The following CRYBG3 variants were observed in gnomAD, a reference collection of about 807,000 sequenced individuals.
CRYBG3 encodes very large A-kinase anchor protein.
CRYBG3 carries 127 observed loss-of-function variants against 244.2 expected under a neutral mutation model. That is an observed-to-expected ratio of 0.52 (90% confidence interval 0.45 to 0.60). CRYBG3 has a LOEUF of 0.60. Ranked by LOEUF, CRYBG3 falls within the 20% of genes least tolerant of loss-of-function variation. CRYBG3 has a pLI of 0.00. For missense variants in CRYBG3, 3,325 were observed against 3,442.5 expected (o/e 0.97, Z 0.85); for synonymous variants, 1,132 against 1,195.8 (o/e 0.95, Z 1.10).
chr3:97,844,183 T>C (rs759384220), intron 2 of CRYBG3, among the ~76,000 whole-genome samples: 6 of 152,194 alleles, frequency 3.9e-5, no homozygotes, highest in African/African-American at 7.2e-5. Context: ...AAAATACTTA[T>C]TGAAAGGAAA....
chr3:97,835,227 T>A (rs78713595), intron 1 of CRYBG3, among the ~76,000 whole-genome samples: 1 of 152,244 alleles, frequency 6.6e-6, no homozygotes, highest in Non-Finnish European at 1.5e-5. Context: ...TGTCTCTACT[T>A]ACATAGGGTT....
chr3:97,872,141 C>T lies in CRYBG3; in HGVS notation c.947C>T (p.Ser316Phe). ...AAAACAAGTTTCAACAAGGAAAATTCTTTGACAAATAACCCAGAACTGCAG... is the reference window on the plus strand; with the variant it reads ...AAAACAAGTTTCAACAAGGAAAATTTTTTGACAAATAACCCAGAACTGCAG... The part of the protein sequence containing the change: ...CSKTSFNKEN[S>F]LTNNPELQNI... Residue 316 changes from serine (S) to phenylalanine (F), a missense_variant, in exon 4 of 22, where the codon TCT becomes TTT. Ser to Phe is a radical substitution (Grantham distance 155). Transcript: ENST00000389622. 1 of 1,535,996 alleles carries T rather than the reference C, an allele frequency of 6.5e-7. No individual in the cohort carries two copies. Among genetic ancestry groups the T allele is most frequent in the Non-Finnish European group, 8.7e-7 (1 of 1,146,794 alleles).
At chr3:97,836,797 G>A (rs1261635624) in intron 1 of CRYBG3, among the ~76,000 whole-genome samples, 1 of 151,964 alleles carries the variant, frequency 6.6e-6, no homozygotes, top group Admixed American at 6.6e-5. Flanking sequence ...AATAAGGGAC[G>A]GTAGACATTT....
intron 4 of CRYBG3, among the ~76,000 whole-genome samples, chr3:97,879,290 C>T (rs2039418556): frequency 6.6e-6 from 1 of 152,170 alleles, no homozygotes. Flanking sequence ...CACAACCTGC[C>T]ACATTTTCCA....
chr3:97,926,682 G>T (rs2040043702), intron 17 of CRYBG3, among the ~76,000 whole-genome samples: 1 of 152,022 alleles, frequency 6.6e-6, no homozygotes, highest in Non-Finnish European at 1.5e-5. Flanking sequence ...CATAGTCTCT[G>T]CCCAGAGGGT....
At chr3:97,847,442 T>C (rs897488195) in intron 2 of CRYBG3, among the ~76,000 whole-genome samples, 1 of 152,166 alleles carries the variant, frequency 6.6e-6, no homozygotes, top group African/African-American at 2.4e-5. Flanking sequence ...TTGACACAAC[T>C]CCCACTGATA....
chr3:97,873,030 A>G lies in CRYBG3; in HGVS notation c.1836A>G (p.Lys612=). 1 of 1,535,666 alleles carries G rather than the reference A, an allele frequency of 6.5e-7. No homozygotes were observed. Among genetic ancestry groups the G allele is most frequent in the Non-Finnish European group, 8.7e-7 (1 of 1,146,758 alleles). The change falls in exon 4 of 22, where the codon AAA becomes AAG. Residue 612 remains lysine (K), a synonymous_variant. Transcript: ENST00000389622. ...SLGNENAPEL[K]FELNRSHISE... is the part of the protein sequence containing the mutation. ...GAAATGAAAATGCACCTGAGTTGAAATTTGAACTTAATAGAAGTCACATTT... is the reference window on the plus strand; with the variant it reads ...GAAATGAAAATGCACCTGAGTTGAAGTTTGAACTTAATAGAAGTCACATTT...
chr3:97,906,730 C>T (rs1199168172), intron 15 of CRYBG3, among the ~76,000 whole-genome samples: 1 of 150,970 alleles, frequency 6.6e-6, no homozygotes, highest in South Asian at 2.1e-4. Flanking sequence ...AACTGAATAC[C>T]CTTTATTTCC....
chr3:97,854,279 G>T (rs556155257), intron 2 of CRYBG3, among the ~76,000 whole-genome samples: 22 of 151,564 alleles, frequency 1.5e-4, no homozygotes, highest in Non-Finnish European at 3.1e-4. Context: ...TTTTTTTGTT[G>T]TTGTTTGTTT....
At chr3:97,882,139 G>A (rs1325822791) in intron 7 of CRYBG3, among the ~76,000 whole-genome samples, 1 of 151,746 alleles carries the variant, frequency 6.6e-6, no homozygotes, top group African/African-American at 2.4e-5. Context: ...AACCTGGAGG[G>A]CAGAGGTTGC....
chr3:97,929,452 C>T lies in CRYBG3; in HGVS notation c.8242-4242C>T, dbSNP rs146519761. Among the ~76,000 whole-genome samples, 922 of 152,010 alleles carry T rather than the reference C, an allele frequency of 6.1e-3. 11 individuals carry two copies. The highest frequency in any genetic ancestry group is 0.02 in the African/African-American group (848 of 41,486). On this transcript the variant is annotated intron_variant, in intron 17 of 21. Coordinates refer to ENST00000389622, the MANE Select transcript of CRYBG3 (RefSeq NM_153605.4). ...TTCCAAAAGATTATTAACCACCCCCCATCATCCTGCCCAGGTTAGCACTGT... is the reference window on the plus strand; with the variant it reads ...TTCCAAAAGATTATTAACCACCCCCTATCATCCTGCCCAGGTTAGCACTGT...
In CRYBG3 at chr3:97,912,190, G is replaced by T. The variant is rs371560777; in HGVS notation, c.8028G>T (p.Gly2676=). 31 of 1,601,902 alleles carry T rather than the reference G, an allele frequency of 1.9e-5. No homozygotes were observed. Among genetic ancestry groups the T allele is most frequent in the Non-Finnish European group, 2.6e-5 (31 of 1,173,768 alleles). The change falls in exon 16 of 22, where the codon GGG becomes GGT. Residue 2676 remains glycine (G), a synonymous_variant. Transcript: ENST00000389622. ...AGCTCAAAGCATTCAGCAAACCAGG[G>T]TTCCAAGGTGAATGTATAGATTTTA... The part of the protein sequence containing the change: ...PHLLKAFSKP[G]FQGECIDFTE...
rs191042701 is a variant in CRYBG3 at position 97,832,348 on chromosome 3, A to G, written c.149+9993A>G. On this transcript the variant is annotated intron_variant, in intron 1 of 21. Transcript: ENST00000389622. ...AGAAGGCTACAGTAACCAAAACAGCATGGTACTGGCACCAAAACAGATACA... is the reference window on the plus strand; with the variant it reads ...AGAAGGCTACAGTAACCAAAACAGCGTGGTACTGGCACCAAAACAGATACA... Among the ~76,000 whole-genome samples the G allele has an allele frequency of 1.3e-4, 20 of 152,270 alleles. No homozygotes were observed. The East Asian group carries it at 3.5e-3, about 26-fold the overall frequency.
chr3:97,885,372 A>G (rs1378274446), intron 7 of CRYBG3, among the ~76,000 whole-genome samples: 1 of 152,140 alleles, frequency 6.6e-6, no homozygotes, highest in Non-Finnish European at 1.5e-5. Context: ...TATAAATGCC[A>G]CCTCTATTAT....
intron 2 of CRYBG3, among the ~76,000 whole-genome samples, chr3:97,857,477 C>T (rs975038113): frequency 6.6e-6 from 1 of 150,638 alleles, no homozygotes; most frequent in African/African-American, 2.4e-5. Context: ...TTTGAAGTTC[C>T]CAGCTATTAT....
At position 97,886,626 on chromosome 3, in the gene CRYBG3, T is replaced by G; in HGVS notation, c.7153-5T>G. On this transcript the variant is annotated splice_region_variant and splice_polypyrimidine_tract_variant and intron_variant, in intron 7 of 21. Coordinates refer to ENST00000389622, the MANE Select transcript of CRYBG3 (RefSeq NM_153605.4). Reference sequence around the variant, plus strand: ...TTTCAAAGCCAAATTATTTTTTTTTTTCAGGACTGCAGCATTCCAGAAATA... The same window carrying G: ...TTTCAAAGCCAAATTATTTTTTTTTGTCAGGACTGCAGCATTCCAGAAATA... 6.3e-7 allele frequency: 1 copy of G among 1,591,744 alleles called. No individual in the cohort carries two copies. The highest frequency in any genetic ancestry group is 8.5e-7 in the Non-Finnish European group (1 of 1,173,432).
chr3:97,921,869 T>C (rs1355762198), intron 17 of CRYBG3, among the ~76,000 whole-genome samples: 5 of 152,144 alleles, frequency 3.3e-5, no homozygotes, highest in Non-Finnish European at 5.9e-5. Context: ...GTTAGCTGGT[T>C]GCTTCTCTAA....
At position 97,942,448 on chromosome 3, in the gene CRYBG3, G is replaced by A. The variant is rs746881062; in HGVS notation, c.8824+5G>A. ...AACTTGTCCTTGATGTTAAAGGTGG[G>A]CCTTTGATGATACCCAATGTTGTGT... On this transcript the variant is annotated splice_donor_5th_base_variant and intron_variant, in intron 21 of 21. Transcript: ENST00000389622. 6.2e-7 allele frequency: 1 copy of A among 1,604,696 alleles called. No homozygotes were observed. The highest frequency in any genetic ancestry group is 8.5e-7 in the Non-Finnish European group (1 of 1,174,668).
At chr3:97,934,451 G>A (rs1335275726) in intron 18 of CRYBG3, among the ~76,000 whole-genome samples, 3 of 152,082 alleles carry the variant, frequency 2.0e-5, no homozygotes, top group South Asian at 2.1e-4. Context: ...TGAAGAGTCC[G>A]GCATATAAAC....
Sources: allele counts gnomAD v4.1 joint callset (sites outside exome capture counted in the v4.1 genomes callset), GRCh38; gene constraint gnomAD v4.1.1; transcripts MANE v1.5; gene names NCBI Gene and HGNC (gene_info 2026-07-23, HGNC 2026-07-21).